UGT1A8: variants seen among roughly 807,000 people sequenced by gnomAD.
UGT1A8 encodes UDP glucuronosyltransferase family 1 member A8, also known as UDP-glucuronosyltransferase 1A8.
In UGT1A8, 39 loss-of-function variants were observed where a neutral mutation model predicts 45.3. That is an observed-to-expected ratio of 0.86 (90% CI 0.67 to 1.12). The LOEUF (loss-of-function observed/expected upper bound fraction) is 1.12. Ranked by LOEUF, UGT1A8 falls within the 50% of genes most tolerant of loss-of-function variation. UGT1A8 has a pLI of 0.00. For synonymous variants in UGT1A8, 275 were observed against 249.2 expected, an observed-to-expected ratio of 1.10 and a Z score of -0.97; for missense variants, 719 against 664.9, an observed-to-expected ratio of 1.08 and a Z score of -0.90.
intron 1 of UGT1A8, among the ~76,000 whole-genome samples, chr2:233,667,819 A>G (rs1241740716): frequency 2.0e-5 from 3 of 152,256 alleles, no homozygotes; most frequent in Non-Finnish European, 4.4e-5. Flanking sequence ...ATGCAAATCA[A>G]AACCACAATG....
At chr2:233,697,683 TC>T (rs1346047688) in intron 1 of UGT1A8, among the ~76,000 whole-genome samples, 1 of 152,134 alleles carries the variant, frequency 6.6e-6, no homozygotes. Context: ...TCAAAATATT[TC>T]TGCTTTTTGG....
chr2:233,744,056 G>A (rs1039365766), intron 1 of UGT1A8: 4 of 611,070 alleles, frequency 6.5e-6, no homozygotes, highest in Admixed American at 3.6e-5. Context: ...CTCATTGGTC[G>A]AGGCCTATGA....
At chr2:233,663,695 G>C (rs992424294) in intron 1 of UGT1A8, among the ~76,000 whole-genome samples, 1 of 152,154 alleles carries the variant, frequency 6.6e-6, no homozygotes, top group East Asian at 1.9e-4. Flanking sequence ...TATTGTCTTT[G>C]TTTTAAACAA....
chr2:233,740,777 G>C (rs541057948), intron 1 of UGT1A8: 2 of 151,918 alleles, frequency 1.3e-5, no homozygotes, highest in South Asian at 4.2e-4. Flanking sequence ...TTGTATAAAA[G>C]ATGAATACCC....
At chr2:233,687,609 G>T (rs1575438460) in intron 1 of UGT1A8, among the ~76,000 whole-genome samples, 2 of 143,038 alleles carry the variant, frequency 1.4e-5, no homozygotes, top group Non-Finnish European at 1.5e-5. Context: ...AAAAAAAAAG[G>T]AAAGAAAAAA....
intron 1 of UGT1A8, chr2:233,690,977 C>A: frequency 1.0e-6 from 1 of 1,000,132 alleles, no homozygotes; most frequent in Non-Finnish European, 1.2e-6. Flanking sequence ...AAGAACAGGA[C>A]CCACATATGA....
intron 1 of UGT1A8, chr2:233,755,405 C>T (rs1027033483): frequency 1.1e-4 from 37 of 334,342 alleles, no homozygotes; most frequent in Middle Eastern, 1.1e-3. Context: ...ATCTCATTGG[C>T]CGAGGCCTGT....
At chr2:233,754,376 G>C (rs1425062905) in intron 1 of UGT1A8, 2 of 288,414 alleles carry the variant, frequency 6.9e-6, no homozygotes, top group African/African-American at 2.2e-5. Context: ...ATGATCGAAA[G>C]ACAAACAGAG....
intron 1 of UGT1A8, among the ~76,000 whole-genome samples, chr2:233,739,216 G>A (rs1265405440): frequency 6.6e-6 from 1 of 152,218 alleles, no homozygotes; most frequent in Admixed American, 6.5e-5. Context: ...CATGGATAGA[G>A]TCCTTATAGA....
At chr2:233,657,982 CAG>C (rs1360147711) in intron 1 of UGT1A8, among the ~76,000 whole-genome samples, 2 of 150,430 alleles carry the variant, frequency 1.3e-5, no homozygotes, top group Non-Finnish European at 2.9e-5. Flanking sequence ...AGAACTAGCA[CAG>C]AGAATTTTCA....
At chr2:233,724,345 C>CCT in intron 1 of UGT1A8, among the ~76,000 whole-genome samples, 1 of 147,952 alleles carries the variant, frequency 6.8e-6, no homozygotes, top group African/African-American at 2.5e-5. Flanking sequence ...GGCTGACCCC[C>CCT]CCCACCTCCC....
Position 233,772,533 on chromosome 2 carries a change from A to G in UGT1A8, c.1567A>G (p.Lys523Glu). 6.2e-7 allele frequency: 1 copy of G among 1,614,214 alleles called. No homozygotes were observed. Among genetic ancestry groups the G allele is most frequent in the Non-Finnish European group, 8.5e-7 (1 of 1,180,036 alleles). ...KCLGKKGRVK[K>E]AHKSKTH ...CTTGGGGAAAAAAGGGCGAGTTAAG[A>G]AAGCCCACAAATCCAAGACCCATTG... Residue 523 changes from lysine to glutamate, a missense_variant, in exon 5 of 5, where the codon AAA (lysine) becomes GAA (glutamate). Coordinates refer to ENST00000373450, the MANE Select transcript of UGT1A8 (RefSeq NM_019076.5).
At chr2:233,690,053 T>C in intron 1 of UGT1A8, 1 of 402,506 alleles carries the variant, frequency 2.5e-6, no homozygotes, top group South Asian at 1.8e-5. Flanking sequence ...TTCTGACTTC[T>C]GCAGCCCCAC....
At chr2:233,699,334 C>T (rs775076537) in intron 1 of UGT1A8, among the ~76,000 whole-genome samples, 1 of 152,186 alleles carries the variant, frequency 6.6e-6, no homozygotes, top group Non-Finnish European at 1.5e-5. Flanking sequence ...GAGTTTCATC[C>T]ACCCTAGGGC....
At chr2:233,653,389 A>G (rs115552883) in intron 1 of UGT1A8, among the ~76,000 whole-genome samples, 1 of 152,320 alleles carries the variant, frequency 6.6e-6, no homozygotes, top group African/African-American at 2.4e-5. Context: ...GAGAAGATGA[A>G]TCATATTCTT....
Position 233,719,112 on chromosome 2 carries a change from C to T in UGT1A8, c.856-47922C>T, listed in dbSNP as rs201323245. On this transcript the variant is annotated intron_variant, in intron 1 of 4. Transcript: ENST00000373450. ...TGATCGCGTTACGCTGGGCTACACT[C>T]AAGGGTTCTTTGAAACAGAACATCT... 6.5e-5 allele frequency: 105 copies of T among 1,614,240 alleles called. 2 individuals are homozygous for T. The East Asian group carries it at 1.8e-3, about 28-fold the overall frequency.
At chr2:233,709,119 A>T (rs1007025672) in intron 1 of UGT1A8, among the ~76,000 whole-genome samples, 3 of 152,074 alleles carry the variant, frequency 2.0e-5, no homozygotes, top group African/African-American at 7.2e-5. Flanking sequence ...TGAACTAATC[A>T]TGGTGGCCAA....
At position 233,747,675 on chromosome 2, in the gene UGT1A8, T is replaced by A. The variant is rs1693747728; in HGVS notation, c.856-19359T>A. On this transcript the variant is annotated intron_variant, in intron 1 of 4. Transcript: ENST00000373450. ...CGATGTGGTTTTAATAGACCCAATTTACCTCTGTGGGGCAGTGCTGGCTAA... is the reference window on the plus strand; with the variant it reads ...CGATGTGGTTTTAATAGACCCAATTAACCTCTGTGGGGCAGTGCTGGCTAA... The A allele has an allele frequency of 8.1e-6, 13 of 1,605,742 alleles. No homozygotes were observed. The South Asian group carries it at 1.4e-4, about 18-fold the overall frequency.
intron 1 of UGT1A8, among the ~76,000 whole-genome samples, chr2:233,621,514 T>G (rs2741029): frequency 0.22 from 34,023 of 152,138 alleles, 4,755 homozygotes; most frequent in South Asian, 0.38. Flanking sequence ...AAATTCAAAG[T>G]TAGCTTTTGG....
Sources: allele counts gnomAD v4.1 joint callset (sites outside exome capture counted in the v4.1 genomes callset), GRCh38; gene constraint gnomAD v4.1.1; transcripts MANE v1.5; gene names NCBI Gene and HGNC (gene_info 2026-07-23, HGNC 2026-07-21).